JAK1: variants seen among roughly 807,000 people sequenced by gnomAD.
The protein encoded by JAK1 is tyrosine-protein kinase JAK1.
In JAK1, 16 loss-of-function variants were observed where a neutral mutation model predicts 136.6. The ratio of observed to expected loss-of-function variants is 0.12; its 90% CI spans 0.08 to 0.18. JAK1 has a LOEUF of 0.18. Among genes scored for constraint, JAK1 ranks in the 10% least tolerant of loss-of-function variants. The pLI is 1.00. For missense variants in JAK1, 859 were observed against 1,450.1 expected (o/e 0.59, Z 6.62); for synonymous variants, 492 against 519.5 (o/e 0.95, Z 0.72).
chr1:64,846,069 C>G (rs1655211228), intron 14 of JAK1, among the ~76,000 whole-genome samples: 1 of 152,216 alleles, frequency 6.6e-6, no homozygotes, highest in South Asian at 2.1e-4. Context: ...GTACACGGAA[C>G]AGCTCACATT....
At chr1:65,002,966 G>A (rs1646774142) in intron 2 of JAK1, among the ~76,000 whole-genome samples, 1 of 152,032 alleles carries the variant, frequency 6.6e-6, no homozygotes. Context: ...CGGGAACCGG[G>A]CTGTCCGGCC....
chr1:65,052,837 G>A (rs1357729720), intron 1 of JAK1, among the ~76,000 whole-genome samples: 5 of 142,670 alleles, frequency 3.5e-5, no homozygotes, highest in Admixed American at 1.4e-4. Context: ...ACTCCAGCCT[G>A]GGTGTCAGAG....
intron 12 of JAK1, chr1:64,848,080 A>ACC (rs1655354445): frequency 6.0e-6 from 1 of 167,310 alleles, no homozygotes. Context: ...AGGCTGTGCT[A>ACC]CCCTGTGAAG....
At chr1:64,965,011 G>C (rs918671074) in intron 1 of JAK1, among the ~76,000 whole-genome samples, 1 of 151,976 alleles carries the variant, frequency 6.6e-6, no homozygotes, top group African/African-American at 2.4e-5. Context: ...CACATAATGG[G>C]GTTTTGGAAA....
intron 1 of JAK1, among the ~76,000 whole-genome samples, chr1:64,892,476 G>A (rs931753193): frequency 3.3e-5 from 5 of 152,002 alleles, no homozygotes; most frequent in Admixed American, 3.3e-4. Context: ...TTGGGAAAGG[G>A]GTCTCACTAT....
At chr1:64,946,251 C>T (rs578064213) in intron 1 of JAK1, among the ~76,000 whole-genome samples, 3 of 152,146 alleles carry the variant, frequency 2.0e-5, no homozygotes, top group Non-Finnish European at 2.9e-5. Context: ...TGGAAGAATA[C>T]AGGAGAGAGG....
intron 1 of JAK1, among the ~76,000 whole-genome samples, chr1:64,948,087 T>C (rs1646019999): frequency 6.6e-6 from 1 of 152,218 alleles, no homozygotes; most frequent in African/African-American, 2.4e-5. Flanking sequence ...AGAGATCCTT[T>C]ATCTGTGCCT....
intron 1 of JAK1, among the ~76,000 whole-genome samples, chr1:64,899,929 C>T (rs1407263197): frequency 2.0e-5 from 3 of 152,134 alleles, no homozygotes; most frequent in South Asian, 2.1e-4. Context: ...CCTAAAGAAA[C>T]GGTGACAAAA....
Position 64,841,616 on chromosome 1 carries a change from G to A in JAK1, c.2404-15C>T, listed in dbSNP as rs1654913081. On this transcript the variant is annotated splice_polypyrimidine_tract_variant and intron_variant, in intron 17 of 24. Transcript: ENST00000342505. ...AATCTCTCTTTCTGTAAACAAGAGGGGCACATGGAAGAAACCAAAGGAACC... is the reference window on the plus strand; with the variant it reads ...AATCTCTCTTTCTGTAAACAAGAGGAGCACATGGAAGAAACCAAAGGAACC... 3.1e-6 allele frequency: 5 copies of A among 1,613,176 alleles called. No individual in the cohort carries two copies. Among genetic ancestry groups the A allele is most frequent in the South Asian group, 1.1e-5 (1 of 91,044 alleles).
intron 2 of JAK1, among the ~76,000 whole-genome samples, chr1:64,989,217 C>G (rs1182108623): frequency 1.3e-5 from 2 of 149,618 alleles, no homozygotes; most frequent in Non-Finnish European, 3.0e-5. Flanking sequence ...CCCAGCTACT[C>G]CGGAGGCTGA....
intron 1 of JAK1, among the ~76,000 whole-genome samples, chr1:64,940,370 G>A (rs1023232421): frequency 1.4e-5 from 2 of 147,416 alleles, no homozygotes; most frequent in Admixed American, 6.9e-5. Flanking sequence ...AGGCTGGAGT[G>A]CAGTGGCACA....
chr1:64,982,066 T>C (rs1306918611), intron 2 of JAK1, among the ~76,000 whole-genome samples: 2 of 151,930 alleles, frequency 1.3e-5, no homozygotes, highest in African/African-American at 2.4e-5. Context: ...AGAGTTGATG[T>C]CAACACTAAG....
chr1:64,852,145 C>A (rs527352620), intron 11 of JAK1, among the ~76,000 whole-genome samples: 1 of 152,358 alleles, frequency 6.6e-6, no homozygotes, highest in South Asian at 2.1e-4. Context: ...TCCATGCCAG[C>A]CGGTGTTCTA....
At position 64,834,296 on chromosome 1, in the gene JAK1, C is replaced by A; in HGVS notation, c.*266G>T. ...ATGAAATGGTGGTATATTCTTTCCACAAGGAGGAGTGCTTAAGTGCTTTCA... is the reference window on the plus strand; with the variant it reads ...ATGAAATGGTGGTATATTCTTTCCAAAAGGAGGAGTGCTTAAGTGCTTTCA... On this transcript the variant is annotated 3_prime_UTR_variant, in exon 25 of 25. Coordinates refer to ENST00000342505, the MANE Select transcript of JAK1 (RefSeq NM_002227.4). The A allele has an allele frequency of 3.4e-6, 1 of 294,896 alleles. No individual in the cohort carries two copies. The highest frequency in any genetic ancestry group is 6.4e-6 in the Non-Finnish European group (1 of 156,368). 18.3% of individuals were successfully genotyped at this position (294,896 alleles called of 1,614,324 possible).
chr1:64,839,496 A>T, intron 20 of JAK1, 107 bp downstream of exon 20: 1 of 887,074 alleles, frequency 1.1e-6, no homozygotes, highest in South Asian at 1.8e-5. Context: ...ACCAGCTAGC[A>T]TGTCAGACGC....
chr1:64,853,836 T>C (rs540242751), intron 11 of JAK1, among the ~76,000 whole-genome samples: 25 of 152,216 alleles, frequency 1.6e-4, no homozygotes, highest in Non-Finnish European at 3.4e-4. Flanking sequence ...CACGAGCCCA[T>C]AGAGTGGTGA....
At chr1:65,046,959 T>C (rs1436756393) in intron 1 of JAK1, among the ~76,000 whole-genome samples, 1 of 145,250 alleles carries the variant, frequency 6.9e-6, no homozygotes, top group East Asian at 2.2e-4. Flanking sequence ...TTTGACAGGC[T>C]GAGGGAGGAT....
intron 2 of JAK1, among the ~76,000 whole-genome samples, chr1:64,978,137 G>T (rs1162925398): frequency 6.6e-6 from 1 of 152,012 alleles, no homozygotes; most frequent in Non-Finnish European, 1.5e-5. Context: ...AATTAGCTGG[G>T]CGTGGTGGTG....
At chr1:65,001,472 C>CG (rs1295005808) in intron 2 of JAK1, among the ~76,000 whole-genome samples, 1 of 152,152 alleles carries the variant, frequency 6.6e-6, no homozygotes, top group African/African-American at 2.4e-5. Flanking sequence ...CCACTGCCAA[C>CG]GCTCGGAGGA....
Sources: gnomAD v4.1 joint callset for allele counts (sites outside exome capture counted in the v4.1 genomes callset) on GRCh38, gnomAD v4.1.1 for gene constraint, MANE v1.5 for transcripts, NCBI Gene and HGNC (gene_info 2026-07-23, HGNC 2026-07-21) for gene names.